Variants in TADA2A observed in about 807,000 individuals in gnomAD.
TADA2A encodes the protein transcriptional adapter 2-alpha.
Under a neutral mutation model 67.4 loss-of-function variants are expected in TADA2A, and 38 were observed. That is an observed-to-expected ratio of 0.56 (90% CI 0.44 to 0.74). TADA2A has a LOEUF of 0.74. Among genes scored for constraint, TADA2A ranks in the 30% least tolerant of loss-of-function variants. The pLI, the probability that TADA2A is intolerant of heterozygous loss-of-function variation, is 0.00. For missense variants in TADA2A, 454 were observed against 547.0 expected (o/e 0.83, Z 1.70); for synonymous variants, 192 against 181.6 (o/e 1.06, Z -0.46).
At chr17:37,426,672 A>G (rs2147934100) in intron 3 of TADA2A, 1 of 219,802 alleles carries the variant, frequency 4.5e-6, no homozygotes, top group Non-Finnish European at 8.8e-6. Flanking sequence ...TCAGAAAAAA[A>G]AAAAAAAAAA....
At position 37,427,010 on chromosome 17, in the gene TADA2A, G is replaced by A; in HGVS notation, c.192+1G>A. On this transcript the variant is annotated splice_donor_variant, in intron 4 of 15. Transcript: ENST00000615182. LOFTEE classifies it high-confidence loss of function. The stretch of plus-strand genomic sequence containing the variant: ...AAGCGATCATACTTATGAAATAATG[G>A]TAATGATGAAGTTGCTGGGAATTTC... The A allele has an allele frequency of 1.3e-6, 2 of 1,576,236 alleles. No homozygotes were observed. Among genetic ancestry groups the A allele is most frequent in the South Asian group, 1.2e-5 (1 of 83,116 alleles).
rs2148057654 is a variant in TADA2A, at chr17:37,477,354, A to C, written c.*372A>C. 1 of 187,398 alleles carries C rather than the reference A, an allele frequency of 5.3e-6. No individual in the cohort carries two copies. The highest frequency in any genetic ancestry group is 6.1e-5 in the Admixed American group (1 of 16,416). 11.6% of individuals were successfully genotyped at this position (187,398 alleles called of 1,614,324 possible). On this transcript the variant is annotated 3_prime_UTR_variant, in exon 16 of 16. Coordinates refer to ENST00000615182, the MANE Select transcript of TADA2A (RefSeq NM_001166105.3). The stretch of plus-strand genomic sequence containing the variant: ...AGCTCAGATCCTTATATTGCGAGGT[A>C]AGTTTGCTGATTATCTGTCTTGCCT...
At chr17:37,434,639 G>A (rs2052668106) in intron 4 of TADA2A, among the ~76,000 whole-genome samples, 1 of 152,010 alleles carries the variant, frequency 6.6e-6, no homozygotes, top group Admixed American at 6.6e-5. Flanking sequence ...AATTCACCAA[G>A]GATTGCAAAA....
intron 8 of TADA2A, among the ~76,000 whole-genome samples, chr17:37,450,270 T>C (rs2147994479): frequency 6.6e-6 from 1 of 152,322 alleles, no homozygotes; most frequent in South Asian, 2.1e-4. Flanking sequence ...TGTGTGCATC[T>C]TGGCCAAAAG....
intron 14 of TADA2A, among the ~76,000 whole-genome samples, chr17:37,473,227 C>A (rs1210036487): frequency 1.3e-5 from 2 of 149,568 alleles, no homozygotes; most frequent in African/African-American, 4.9e-5. Flanking sequence ...CCTGCTTCAG[C>A]CTCCCAAAGT....
rs55633517 is a variant in TADA2A, at chr17:37,472,705, T to A, written c.1072+1568T>A. 4.6e-5 allele frequency among the ~76,000 whole-genome samples: 7 copies of A among 151,048 alleles called. No homozygotes were observed. The East Asian group carries it at 5.9e-4, about 13-fold the overall frequency. On this transcript the variant is annotated intron_variant, in intron 14 of 15. Transcript: ENST00000615182. ...AAACCCATCTCTCCTGAAAAAAAAA[T>A]ATAAAAATTAGCTGGGTGTGGTGGT...
chr17:37,427,834 T>G (rs1396512963), intron 4 of TADA2A, among the ~76,000 whole-genome samples: 1 of 152,016 alleles, frequency 6.6e-6, no homozygotes, highest in Non-Finnish European at 1.5e-5. Context: ...ATACAAAAAT[T>G]AGCTGAGTGT....
chr17:37,429,749 A>G (rs750882718), intron 4 of TADA2A, among the ~76,000 whole-genome samples: 11 of 152,248 alleles, frequency 7.2e-5, no homozygotes, highest in Non-Finnish European at 1.5e-4. Flanking sequence ...CTAGGCCACA[A>G]TGAATTAATC....
rs182274666 is a variant in TADA2A, at chr17:37,436,261, C to T, written c.193-1477C>T. ...AGATATTTAGTCAAATTAAGTGTTT[C>T]AAAATCACTTGAAATAGTTCCTTTC... is the stretch of plus-strand genomic sequence containing the variant. On this transcript the variant is annotated intron_variant, in intron 4 of 15. Transcript: ENST00000615182. 17 of 152,306 alleles carry T rather than the reference C, an allele frequency of 1.1e-4. No homozygotes were observed. The East Asian group carries it at 3.3e-3, about 29-fold the overall frequency. The allele number at this position is 152,306 out of a possible 1,614,324, so 9.4% of individuals were successfully genotyped here. A position where few individuals can be genotyped will look rare whatever the true frequency, so the allele number is the denominator to read the frequency against.
Position 37,462,113 on chromosome 17 carries a change from A to G in TADA2A, c.704A>G (p.Lys235Arg). 1 of 1,564,868 alleles carries G rather than the reference A, an allele frequency of 6.4e-7. No individual in the cohort carries two copies. Among genetic ancestry groups the G allele is most frequent in the South Asian group, 1.2e-5 (1 of 85,738 alleles). Residue 235 changes from lysine (K) to arginine (R), a missense_variant, in exon 10 of 16, where the codon AAG (lysine) becomes AGG (arginine). Lys to Arg is a conservative substitution (Grantham distance 26). Transcript: ENST00000615182. ...GACCATGGATTAATCAACCTTAGAA[A>G]GTTTCAATGTAAGTATTAGCAGTTT... is the stretch of plus-strand genomic sequence containing the variant. ...IRDHGLINLR[K>R]FQLMERRYPK...
chr17:37,421,251 A>T (rs1377169656), intron 2 of TADA2A, among the ~76,000 whole-genome samples: 1 of 145,550 alleles, frequency 6.9e-6, no homozygotes, highest in Non-Finnish European at 1.5e-5. Flanking sequence ...GCAGTGGTGC[A>T]AGTCTGTCCC....
At chr17:37,419,025 C>T (rs2052146692) in intron 2 of TADA2A, among the ~76,000 whole-genome samples, 1 of 145,946 alleles carries the variant, frequency 6.9e-6, no homozygotes. Flanking sequence ...CCCACAGAGC[C>T]CAGCCTCTAC....
At chr17:37,441,968 T>A (rs903676070) in intron 6 of TADA2A, among the ~76,000 whole-genome samples, 2 of 152,174 alleles carry the variant, frequency 1.3e-5, no homozygotes, top group African/African-American at 4.8e-5. Context: ...GCCTGGTTGA[T>A]ACCTCCTATT....
intron 4 of TADA2A, among the ~76,000 whole-genome samples, chr17:37,435,480 G>A (rs2147954650): frequency 1.3e-5 from 2 of 152,146 alleles, no homozygotes; most frequent in South Asian, 4.2e-4. Context: ...AGTAGAGACG[G>A]GGTTTCACCG....
At chr17:37,466,024 A>G (rs945830126) in intron 11 of TADA2A, among the ~76,000 whole-genome samples, 6 of 152,330 alleles carry the variant, frequency 3.9e-5, no homozygotes, top group Non-Finnish European at 8.8e-5. Flanking sequence ...ACAGAGATGG[A>G]TAGCTTGTGG....
intron 9 of TADA2A, among the ~76,000 whole-genome samples, chr17:37,460,307 G>A (rs1033047122): frequency 9.2e-5 from 14 of 151,810 alleles, no homozygotes; most frequent in Admixed American, 5.2e-4. Context: ...GTGTAATGGC[G>A]CGATCTCAGC....
rs1021901900 is a variant in TADA2A at position 37,440,758 on chromosome 17, A to G, written c.442+96A>G. ...AGTGATTTGATGACTTGGACAGCTAATGATATCACGGAAGATAGGAGGAGT... is the reference window on the plus strand; with the variant it reads ...AGTGATTTGATGACTTGGACAGCTAGTGATATCACGGAAGATAGGAGGAGT... On this transcript the variant is annotated intron_variant, in intron 6 of 15. Coordinates refer to ENST00000615182, the MANE Select transcript of TADA2A (RefSeq NM_001166105.3). 8.4e-6 allele frequency: 12 copies of G among 1,430,708 alleles called. No individual in the cohort carries two copies. The Admixed American group carries it at 1.4e-4, about 17-fold the overall frequency. The allele number at this position is 1,430,708 out of a possible 1,614,324, so 88.6% of individuals were successfully genotyped here.
At chr17:37,460,242 T>G (rs1013997466) in intron 9 of TADA2A, among the ~76,000 whole-genome samples, 5 of 151,410 alleles carry the variant, frequency 3.3e-5, no homozygotes, top group African/African-American at 1.2e-4. Context: ...TATTTTTATT[T>G]TTTATTTTAT....
At chr17:37,466,364 G>A (rs2053665155) in intron 11 of TADA2A, among the ~76,000 whole-genome samples, 2 of 152,160 alleles carry the variant, frequency 1.3e-5, no homozygotes, top group African/African-American at 2.4e-5. Flanking sequence ...AGGTTGCGGT[G>A]AGCTGAGATC....
Sources: allele counts gnomAD v4.1 joint callset (sites outside exome capture counted in the v4.1 genomes callset), GRCh38; gene constraint gnomAD v4.1.1; transcripts MANE v1.5; gene names NCBI Gene and HGNC (gene_info 2026-07-23, HGNC 2026-07-21).